ARHGEF3: variants seen among roughly 807,000 people sequenced by gnomAD.
The protein encoded by ARHGEF3 is Rho guanine nucleotide exchange factor 3, also known as 59.8 kDA protein.
In ARHGEF3, 28 loss-of-function variants were observed where a neutral mutation model predicts 63.2. That is an observed-to-expected ratio of 0.44 (90% CI 0.33 to 0.61). The LOEUF (loss-of-function observed/expected upper bound fraction) is 0.61. Among genes scored for constraint, ARHGEF3 ranks in the 20% least tolerant of loss-of-function variants. The pLI is 0.03. For missense variants in ARHGEF3, 533 were observed against 659.3 expected, an observed-to-expected ratio of 0.81 and a Z score of 2.10; for synonymous variants, 266 against 254.2, an observed-to-expected ratio of 1.05 and a Z score of -0.44.
At chr3:56,959,334 G>A (rs1700178288) in intron 2 of ARHGEF3, among the ~76,000 whole-genome samples, 1 of 152,110 alleles carries the variant, frequency 6.6e-6, no homozygotes, top group Non-Finnish European at 1.5e-5. Context: ...GGTTTTTAAA[G>A]CAACCATCAA....
intron 2 of ARHGEF3, among the ~76,000 whole-genome samples, chr3:57,010,238 A>T (rs1702632462): frequency 6.6e-6 from 1 of 151,966 alleles, no homozygotes; most frequent in Non-Finnish European, 1.5e-5. Flanking sequence ...GCAGATCACG[A>T]GGTCAGGAGA....
intron 4 of ARHGEF3, among the ~76,000 whole-genome samples, chr3:56,845,488 T>C (rs2039458569): frequency 6.6e-6 from 1 of 152,236 alleles, no homozygotes; most frequent in African/African-American, 2.4e-5. Flanking sequence ...TGGTGATACC[T>C]GAATTGAAAT....
rs757897585 is a variant in ARHGEF3 at position 57,014,505 on chromosome 3, C to A, written c.62+20583G>T. ...AAATATTTACTGTGCATATGCGTAC[C>A]AATGCAAGAAGGAAATTTCTCACAA... On this transcript the variant is annotated intron_variant, in intron 2 of 12. Transcript: ENST00000338458. 1.6e-4 allele frequency among the ~76,000 whole-genome samples: 25 copies of A among 152,130 alleles called. No individual in the cohort carries two copies. In the Middle Eastern group the frequency reaches 0.014, roughly 83 times the overall value.
intron 4 of ARHGEF3, among the ~76,000 whole-genome samples, chr3:56,852,282 G>A (rs1488441833): frequency 6.6e-6 from 1 of 152,166 alleles, no homozygotes; most frequent in Admixed American, 6.5e-5. Flanking sequence ...TGCCCTGCAT[G>A]TTCGAACGTA....
At chr3:56,806,821 C>G (rs1174940250), upstream of ARHGEF3, among the ~76,000 whole-genome samples, 1 of 150,644 alleles carries the variant, frequency 6.6e-6, no homozygotes, top group African/African-American at 2.4e-5. Flanking sequence ...GCTGTGACAG[C>G]CTTCTCAGCC....
chr3:57,010,194 C>T (rs998977192), intron 2 of ARHGEF3, among the ~76,000 whole-genome samples: 1 of 152,192 alleles, frequency 6.6e-6, no homozygotes, highest in East Asian at 1.9e-4. Context: ...GTGGCTCACG[C>T]CTGTAATCCC....
At chr3:56,892,268 T>A (rs1185244060) in intron 3 of ARHGEF3, among the ~76,000 whole-genome samples, 1 of 151,768 alleles carries the variant, frequency 6.6e-6, no homozygotes, top group Admixed American at 6.6e-5. Context: ...AAAAAAAAAA[T>A]ACGGGCATCG....
intron 3 of ARHGEF3, among the ~76,000 whole-genome samples, chr3:56,920,923 C>G (rs754439549): frequency 6.6e-6 from 1 of 151,760 alleles, no homozygotes; most frequent in Non-Finnish European, 1.5e-5. Context: ...GGCGTGGTGG[C>G]GGGCACCTGT....
At chr3:56,991,015 C>T (rs573126141) in intron 2 of ARHGEF3, among the ~76,000 whole-genome samples, 18 of 152,096 alleles carry the variant, frequency 1.2e-4, no homozygotes, top group South Asian at 2.1e-4. Flanking sequence ...TCCTAATCAC[C>T]GAATTCTCCC....
At chr3:56,993,127 G>T (rs572724635) in intron 2 of ARHGEF3, among the ~76,000 whole-genome samples, 2 of 152,128 alleles carry the variant, frequency 1.3e-5, no homozygotes, top group African/African-American at 4.8e-5. Context: ...GAGCTACCGC[G>T]CCTGGCCTCA....
intron 2 of ARHGEF3, among the ~76,000 whole-genome samples, chr3:56,968,961 T>C (rs1382260708): frequency 1.3e-5 from 2 of 152,198 alleles, no homozygotes; most frequent in Non-Finnish European, 2.9e-5. Context: ...GTCTTAGCAG[T>C]TGGTGACAAC....
At chr3:56,967,299 T>C (rs1203671566) in intron 2 of ARHGEF3, among the ~76,000 whole-genome samples, 1 of 48,324 alleles carries the variant, frequency 2.1e-5, no homozygotes, top group Non-Finnish European at 4.6e-5. Context: ...ATTATACAAA[T>C]TATATATTAT....
intron 3 of ARHGEF3, among the ~76,000 whole-genome samples, chr3:56,936,604 A>C (rs1698914234): frequency 6.6e-6 from 1 of 152,234 alleles, no homozygotes; most frequent in South Asian, 2.1e-4. Context: ...ACCTAAAACA[A>C]ATTAAGTCTT....
At chr3:56,928,250 T>G (rs1012056334) in intron 3 of ARHGEF3, among the ~76,000 whole-genome samples, 3 of 152,124 alleles carry the variant, frequency 2.0e-5, no homozygotes, top group Non-Finnish European at 4.4e-5. Context: ...CCATGTTGAG[T>G]GTCCTGCCAC....
intron 2 of ARHGEF3, among the ~76,000 whole-genome samples, chr3:56,983,705 A>G (rs569729772): frequency 1.4e-4 from 22 of 152,192 alleles, no homozygotes; most frequent in Admixed American, 2.6e-4. Flanking sequence ...TGGGAGCCAG[A>G]GGCGGGCGGA....
At chr3:56,901,874 T>C (rs1401094849) in intron 3 of ARHGEF3, among the ~76,000 whole-genome samples, 4 of 152,170 alleles carry the variant, frequency 2.6e-5, no homozygotes, top group African/African-American at 9.7e-5. Context: ...CCTTATTTAA[T>C]ACATATTGTT....
At chr3:56,986,976 C>T (rs567902326) in intron 2 of ARHGEF3, among the ~76,000 whole-genome samples, 2 of 152,064 alleles carry the variant, frequency 1.3e-5, no homozygotes, top group South Asian at 2.1e-4. Context: ...CCTTGGGAGG[C>T]CATGATGGGA....
chr3:56,909,991 T>C (rs9882574), intron 3 of ARHGEF3, among the ~76,000 whole-genome samples: 142,357 of 152,166 alleles, frequency 0.94, 66,961 homozygotes, highest in Non-Finnish European at 0.99. Context: ...ACGTGAGTAG[T>C]ACTGTCCAGA....
chr3:56,891,646 T>G (rs1251761902), intron 3 of ARHGEF3, among the ~76,000 whole-genome samples: 4 of 152,218 alleles, frequency 2.6e-5, no homozygotes, highest in Non-Finnish European at 5.9e-5. Context: ...TTTACCTCTC[T>G]GCACCTTAGT....
Sources: allele counts gnomAD v4.1 joint callset (sites outside exome capture counted in the v4.1 genomes callset), GRCh38; gene constraint gnomAD v4.1.1; transcripts MANE v1.5; gene names NCBI Gene and HGNC (gene_info 2026-07-23, HGNC 2026-07-21).